FSTL4: variants seen among roughly 807,000 people sequenced by gnomAD.
FSTL4 encodes the protein follistatin-related protein 4.
Under a neutral mutation model 78.2 loss-of-function variants are expected in FSTL4, and 28 were observed. That is an observed-to-expected ratio of 0.36 (90% CI 0.27 to 0.49). The LOEUF (loss-of-function observed/expected upper bound fraction) is 0.49. Among genes scored for constraint, FSTL4 ranks in the 20% least tolerant of loss-of-function variants. FSTL4 has a pLI of 0.98. For synonymous variants in FSTL4, 422 were observed against 440.5 expected, an observed-to-expected ratio of 0.96 and a Z score of 0.53; for missense variants, 922 against 1,084.9, an observed-to-expected ratio of 0.85 and a Z score of 2.11.
intron 3 of FSTL4, among the ~76,000 whole-genome samples, chr5:133,458,931 G>A (rs1757542187): frequency 6.6e-6 from 1 of 152,140 alleles, no homozygotes; most frequent in South Asian, 2.1e-4. Flanking sequence ...TGTTGTAGAC[G>A]GGGACGGAGG....
chr5:133,825,276 T>C, the FSTL4 span, among the ~76,000 whole-genome samples: 1 of 152,172 alleles, frequency 6.6e-6, no homozygotes, highest in African/African-American at 2.4e-5. Context: ...GCCCTGCCAA[T>C]CCTATGCTCA....
chr5:133,620,221 A>G, the FSTL4 span, among the ~76,000 whole-genome samples: 1 of 152,130 alleles, frequency 6.6e-6, no homozygotes, highest in Non-Finnish European at 1.5e-5. Flanking sequence ...AAACACTGCC[A>G]TTTTATTTAT....
At chr5:133,280,518 C>T (rs1174895821) in intron 6 of FSTL4, among the ~76,000 whole-genome samples, 1 of 152,154 alleles carries the variant, frequency 6.6e-6, no homozygotes, top group East Asian at 1.9e-4. Flanking sequence ...CCAAGCTGCT[C>T]TGAAAACTGC....
intron 4 of FSTL4, among the ~76,000 whole-genome samples, chr5:133,394,633 C>T (rs1755953606): frequency 6.6e-6 from 1 of 152,224 alleles, no homozygotes; most frequent in African/African-American, 2.4e-5. Context: ...CCTGAGCCTC[C>T]CCACCACTGT....
the FSTL4 span, among the ~76,000 whole-genome samples, chr5:133,743,243 C>CAA: frequency 4.9e-4 from 74 of 152,300 alleles, 2 homozygotes; most frequent in African/African-American, 1.5e-3. Flanking sequence ...GGCAAAGACC[C>CAA]AAGGTCTTAA....
chr5:133,625,248 T>G, the FSTL4 span, among the ~76,000 whole-genome samples: 1 of 151,800 alleles, frequency 6.6e-6, no homozygotes, highest in Non-Finnish European at 1.5e-5. Flanking sequence ...CCATCTGAGC[T>G]GAAGATTTTC....
At chr5:133,379,705 G>A (rs1755519430) in intron 4 of FSTL4, among the ~76,000 whole-genome samples, 1 of 152,132 alleles carries the variant, frequency 6.6e-6, no homozygotes, top group Non-Finnish European at 1.5e-5. Flanking sequence ...ATGAAAATAA[G>A]GACACAACGT....
At chr5:133,597,823 G>C (rs1760768955) in intron 2 of FSTL4, among the ~76,000 whole-genome samples, 2 of 152,220 alleles carry the variant, frequency 1.3e-5, no homozygotes, top group Admixed American at 1.3e-4. Context: ...TAGGGACAGA[G>C]ATGGGATAGG....
At chr5:133,697,632 G>GT in the FSTL4 span, among the ~76,000 whole-genome samples, 2 of 152,220 alleles carry the variant, frequency 1.3e-5, no homozygotes, top group Non-Finnish European at 2.9e-5. Flanking sequence ...ATCTGAAATG[G>GT]GCCCCTTCTG....
At chr5:133,816,343 G>A in the FSTL4 span, among the ~76,000 whole-genome samples, 5 of 152,184 alleles carry the variant, frequency 3.3e-5, no homozygotes, top group Non-Finnish European at 5.9e-5. Context: ...CAGGTGGGCA[G>A]TCTACACTGT....
At chr5:133,308,738 G>A (rs1477650040) in intron 6 of FSTL4, among the ~76,000 whole-genome samples, 2 of 152,230 alleles carry the variant, frequency 1.3e-5, no homozygotes, top group African/African-American at 4.8e-5. Context: ...TGGTAGTGCT[G>A]TAGATGAAAA....
intron 2 of FSTL4, among the ~76,000 whole-genome samples, chr5:133,590,146 G>A (rs569928155): frequency 2.8e-4 from 41 of 144,718 alleles, no homozygotes; most frequent in Admixed American, 1.7e-3. Flanking sequence ...TTGCTCTGTC[G>A]CTCTGTCACC....
chr5:133,279,069 G>T (rs1331674308), intron 6 of FSTL4, among the ~76,000 whole-genome samples: 2 of 152,254 alleles, frequency 1.3e-5, no homozygotes, highest in Non-Finnish European at 1.5e-5. Context: ...GAAGCTGGGG[G>T]TTCGTGCAAA....
chr5:133,711,169 G>T, the FSTL4 span, among the ~76,000 whole-genome samples: 1 of 152,308 alleles, frequency 6.6e-6, no homozygotes, highest in East Asian at 1.9e-4. Flanking sequence ...AGAGAGCTCT[G>T]TCTCTGGAGG....
chr5:133,832,120 G>C, the FSTL4 span, among the ~76,000 whole-genome samples: 5 of 152,236 alleles, frequency 3.3e-5, no homozygotes, highest in African/African-American at 7.2e-5. Flanking sequence ...TCTGAAGCTG[G>C]TGGAGGGGTT....
In FSTL4 at chr5:133,264,969, G is replaced by A. The variant is rs145969199; in HGVS notation, c.728-15393C>T. Among the ~76,000 whole-genome samples, 31 of 152,176 alleles carry A rather than the reference G, an allele frequency of 2.0e-4. No individual in the cohort carries two copies. In the East Asian group the frequency reaches 4.3e-3, roughly 21 times the overall value. ...TTAGGGATGAATGAACCAAAATCTC[G>A]TCCACTCTCCCCATCTTAACAATTA... On this transcript the variant is annotated intron_variant, in intron 6 of 15. Coordinates refer to ENST00000265342, the MANE Select transcript of FSTL4 (RefSeq NM_015082.2).
chr5:133,233,039 G>C (rs1297541937), intron 8 of FSTL4, among the ~76,000 whole-genome samples: 1 of 152,246 alleles, frequency 6.6e-6, no homozygotes, highest in Non-Finnish European at 1.5e-5. Flanking sequence ...CCTGGAAGGA[G>C]TGGTGGATTT....
chr5:133,677,309 G>C, the FSTL4 span, among the ~76,000 whole-genome samples: 1 of 152,202 alleles, frequency 6.6e-6, no homozygotes, highest in Non-Finnish European at 1.5e-5. Context: ...AGGTCATTTA[G>C]CTGGATTCCA....
At chr5:133,684,249 T>C in the FSTL4 span, among the ~76,000 whole-genome samples, 2 of 152,216 alleles carry the variant, frequency 1.3e-5, no homozygotes, top group African/African-American at 2.4e-5. Context: ...GCTCACCTTG[T>C]CTGGGCAGCT....
Sources: allele counts gnomAD v4.1 joint callset (sites outside exome capture counted in the v4.1 genomes callset), GRCh38; gene constraint gnomAD v4.1.1; transcripts MANE v1.5; gene names NCBI Gene and HGNC (gene_info 2026-07-23, HGNC 2026-07-21).